The following SMYD3 variants were observed in gnomAD, a reference collection of about 807,000 sequenced individuals.
The protein encoded by SMYD3 is SET and MYND domain containing 3.
SMYD3 carries 36 observed loss-of-function variants against 57.7 expected under a neutral mutation model. That is an observed-to-expected ratio of 0.62 (90% confidence interval 0.48 to 0.82). The LOEUF (loss-of-function observed/expected upper bound fraction) is 0.82. Ranked by LOEUF, SMYD3 falls within the 40% of genes least tolerant of loss-of-function variation. The probability of loss-of-function intolerance (pLI) is 0.00; values close to 1 mark genes in which losing one functional copy is unlikely to be tolerated. For missense variants in SMYD3, 515 were observed against 538.8 expected, an observed-to-expected ratio of 0.96 and a Z score of 0.44; for synonymous variants, 211 against 195.0, an observed-to-expected ratio of 1.08 and a Z score of -0.68.
chr1:245,857,973 G>T (rs536195077), intron 10 of SMYD3, among the ~76,000 whole-genome samples: 1 of 152,294 alleles, frequency 6.6e-6, no homozygotes, highest in East Asian at 1.9e-4. Context: ...AGGCAGGGCC[G>T]TCTCCCTGCT....
chr1:246,477,810 C>A (rs1364615651), intron 1 of SMYD3, among the ~76,000 whole-genome samples: 1 of 152,178 alleles, frequency 6.6e-6, no homozygotes, highest in African/African-American at 2.4e-5. Flanking sequence ...GACTGCTTAA[C>A]TGAGGTAACA....
chr1:246,259,291 G>A lies in SMYD3; in HGVS notation c.531+67910C>T, dbSNP rs77442194. Among the ~76,000 whole-genome samples, 2,463 of 152,208 alleles carry A rather than the reference G, an allele frequency of 0.016. 216 individuals are homozygous for A. The East Asian group carries it at 0.24, about 15-fold the overall frequency. ...TGTTACTACATTCAGATTTTTAATG[G>A]TGCCAGTAATCTTGTGCTGATTCTT... is the stretch of plus-strand genomic sequence containing the variant. On this transcript the variant is annotated intron_variant, in intron 5 of 11. Coordinates refer to ENST00000490107, the MANE Select transcript of SMYD3 (RefSeq NM_001167740.2).
intron 11 of SMYD3, among the ~76,000 whole-genome samples, chr1:245,763,630 A>C (rs1201247373): frequency 6.6e-6 from 1 of 152,126 alleles, no homozygotes; most frequent in African/African-American, 2.4e-5. Context: ...GTGAACTGCC[A>C]CACAGATGGT....
intron 8 of SMYD3, among the ~76,000 whole-genome samples, chr1:245,900,553 A>G (rs531412135): frequency 2.3e-4 from 35 of 152,280 alleles, no homozygotes; most frequent in African/African-American, 6.3e-4. Context: ...GAGATCTATG[A>G]GTCGCTGCTG....
rs1276108287 is a variant in SMYD3, at chr1:246,328,968, A to G, written c.394+1512T>C. 4.6e-5 allele frequency among the ~76,000 whole-genome samples: 7 copies of G among 151,634 alleles called. No individual in the cohort carries two copies. The East Asian group carries it at 1.4e-3, about 29-fold the overall frequency. ...TGGTTTTTTGTCCTTGCAATAGTTT[A>G]CTGAGAATGATGATTTCCAATTTCA... On this transcript the variant is annotated intron_variant, in intron 4 of 11. Transcript: ENST00000490107.
intron 10 of SMYD3, among the ~76,000 whole-genome samples, chr1:245,797,348 C>T (rs1233700055): frequency 7.9e-5 from 12 of 151,834 alleles, no homozygotes; most frequent in Admixed American, 5.2e-4. Flanking sequence ...TATGCAGCCA[C>T]AAAAAAGGAT....
chr1:246,367,777 A>G (rs1377454685), intron 1 of SMYD3, among the ~76,000 whole-genome samples: 2 of 152,106 alleles, frequency 1.3e-5, no homozygotes. Flanking sequence ...TCAGTCAGAG[A>G]AAAGTGATTT....
intron 5 of SMYD3, among the ~76,000 whole-genome samples, chr1:246,190,755 T>C (rs548144663): frequency 2.0e-5 from 3 of 152,198 alleles, no homozygotes; most frequent in East Asian, 1.9e-4. Context: ...TAATAGAAGA[T>C]AGTCGAGGTC....
intron 5 of SMYD3, among the ~76,000 whole-genome samples, chr1:246,050,610 A>C (rs547654155): frequency 1.0e-3 from 155 of 152,340 alleles, no homozygotes; most frequent in Non-Finnish European, 1.3e-3. Flanking sequence ...ATGAGAAATT[A>C]AGGGGTATGA....
At chr1:246,302,049 T>C (rs1148714) in intron 5 of SMYD3, among the ~76,000 whole-genome samples, 49,964 of 151,944 alleles carry the variant, frequency 0.33, 9,266 homozygotes, top group East Asian at 0.53. Context: ...ATACCGCGTT[T>C]CCCTGGTTAT....
intron 1 of SMYD3, among the ~76,000 whole-genome samples, chr1:246,400,303 C>A (rs1186369177): frequency 6.6e-6 from 1 of 152,268 alleles, no homozygotes; most frequent in East Asian, 1.9e-4. Flanking sequence ...TAACTTAAGA[C>A]ACTGAAACAG....
intron 5 of SMYD3, among the ~76,000 whole-genome samples, chr1:245,977,449 C>T (rs1421086416): frequency 6.6e-6 from 1 of 152,164 alleles, no homozygotes; most frequent in African/African-American, 2.4e-5. Flanking sequence ...GAGGCTGAGG[C>T]AGGCAGATCA....
chr1:246,467,156 T>G (rs934590045), intron 1 of SMYD3, among the ~76,000 whole-genome samples: 4 of 151,800 alleles, frequency 2.6e-5, no homozygotes, highest in Non-Finnish European at 5.9e-5. Flanking sequence ...GGCGACAGAG[T>G]GAGACTCCAT....
At chr1:246,051,120 T>A (rs72770862) in intron 5 of SMYD3, among the ~76,000 whole-genome samples, 1 of 148,742 alleles carries the variant, frequency 6.7e-6, no homozygotes, top group African/African-American at 2.5e-5. Flanking sequence ...TAACTTCTTT[T>A]TTTTTCTTAC....
At chr1:245,804,439 T>C (rs948169218) in intron 10 of SMYD3, among the ~76,000 whole-genome samples, 1 of 152,034 alleles carries the variant, frequency 6.6e-6, no homozygotes, top group Non-Finnish European at 1.5e-5. Context: ...GCGCCTGTAG[T>C]CCCAGCTACT....
chr1:245,966,499 A>G (rs965451814), intron 5 of SMYD3, among the ~76,000 whole-genome samples: 4 of 152,234 alleles, frequency 2.6e-5, no homozygotes, highest in Non-Finnish European at 5.9e-5. Flanking sequence ...ATAACATGGT[A>G]TGCACACATT....
intron 5 of SMYD3, among the ~76,000 whole-genome samples, chr1:246,046,637 T>C (rs150514549): frequency 1.7e-3 from 250 of 147,744 alleles, no homozygotes; most frequent in African/African-American, 5.5e-3. Context: ...AATATATATA[T>C]ATAAAATATA....
intron 5 of SMYD3, chr1:246,096,366 C>T (rs1339374913): frequency 1.3e-4 from 20 of 152,152 alleles, no homozygotes; most frequent in Admixed American, 1.1e-3. Flanking sequence ...GCTGTGGGCT[C>T]GCAGAACCTC....
chr1:245,836,984 AAC>A (rs2050135654), intron 10 of SMYD3, among the ~76,000 whole-genome samples: 5 of 152,334 alleles, frequency 3.3e-5, no homozygotes, highest in Admixed American at 2.6e-4. Flanking sequence ...AATTATCCAC[AAC>A]TTAATTATTT....
Sources: allele counts gnomAD v4.1 joint callset (sites outside exome capture counted in the v4.1 genomes callset), GRCh38; gene constraint gnomAD v4.1.1; transcripts MANE v1.5; gene names NCBI Gene and HGNC (gene_info 2026-07-23, HGNC 2026-07-21).